The following NEBL variants were observed in gnomAD, a reference collection of about 807,000 sequenced individuals.
The protein encoded by NEBL is LIM and SH3 protein 2.
NEBL carries 122 observed loss-of-function variants against 140.2 expected under a neutral mutation model. That is an observed-to-expected ratio of 0.87 (90% CI 0.75 to 1.01). The LOEUF is 1.01. Among genes scored for constraint, NEBL ranks in the 50% least tolerant of loss-of-function variants. The pLI, the probability that NEBL is intolerant of heterozygous loss-of-function variation, is 0.00. For missense variants in NEBL, 1,365 were observed against 1,231.3 expected (o/e 1.11, Z -1.62); for synonymous variants, 436 against 398.9 (o/e 1.09, Z -1.11).
intron 2 of NEBL, among the ~76,000 whole-genome samples, chr10:21,133,374 G>A (rs182065910): frequency 6.6e-6 from 1 of 152,306 alleles, no homozygotes; most frequent in Admixed American, 6.5e-5. Flanking sequence ...GCTCCTTACT[G>A]TGGGTGAAAT....
At chr10:20,955,051 AT>A (rs748315522) in intron 4 of NEBL, among the ~76,000 whole-genome samples, 64 of 152,326 alleles carry the variant, frequency 4.2e-4, no homozygotes, top group Non-Finnish European at 8.8e-4. Context: ...TCAGATGTGC[AT>A]TTTAGGAAAA....
At chr10:21,260,156 A>C (rs1250882765) in intron 1 of NEBL, among the ~76,000 whole-genome samples, 2 of 152,224 alleles carry the variant, frequency 1.3e-5, no homozygotes. Flanking sequence ...AGCATTCCTT[A>C]ATGACTGAGT....
chr10:21,186,428 T>C (rs1028936126), intron 3 of NEBL, among the ~76,000 whole-genome samples: 2 of 152,066 alleles, frequency 1.3e-5, no homozygotes, highest in African/African-American at 2.4e-5. Context: ...GCCTTTGGTA[T>C]CCACGAAGGA....
chr10:20,856,685 G>A (rs1241653018), intron 9 of NEBL, among the ~76,000 whole-genome samples: 1 of 152,090 alleles, frequency 6.6e-6, no homozygotes, highest in Non-Finnish European at 1.5e-5. Flanking sequence ...TGATGTAAGT[G>A]TCCTGGAACT....
intron 3 of NEBL, among the ~76,000 whole-genome samples, chr10:21,206,482 G>A (rs1329205075): frequency 6.6e-6 from 1 of 152,144 alleles, no homozygotes; most frequent in African/African-American, 2.4e-5. Flanking sequence ...GCCCCCAGGG[G>A]CTGAGATCTA....
intron 25 of NEBL, 40 bp from the exon 26 acceptor site, chr10:20,808,699 A>G (rs1309325468): frequency 1.9e-6 from 3 of 1,583,784 alleles, no homozygotes; most frequent in Non-Finnish European, 1.7e-6. Context: ...TGATTAAGTG[A>G]CTCGAAAAAC....
At chr10:21,069,953 C>A (rs1408858485) in intron 2 of NEBL, 1 of 455,970 alleles carries the variant, frequency 2.2e-6, no homozygotes, top group African/African-American at 2.0e-5. Context: ...CATGTACTTA[C>A]AGCGGCTTAG....
chr10:21,021,347 C>T (rs1331826342), intron 2 of NEBL, among the ~76,000 whole-genome samples: 1 of 152,128 alleles, frequency 6.6e-6, no homozygotes, highest in African/African-American at 2.4e-5. Context: ...CACGTCACTC[C>T]CCTGAGTAAA....
At position 20,783,500 on chromosome 10, in the gene NEBL, C is replaced by A. The variant is rs1290307349; in HGVS notation, c.*2247G>T. On this transcript the variant is annotated 3_prime_UTR_variant, in exon 28 of 28. Transcript: ENST00000377122. ...GTATTGACTTTTATGCTCAGTGAAT[C>A]TGGTTTTGAAATCGGTGGATGAAAT... 6.6e-6 allele frequency: 1 copy of A among 152,164 alleles called. No homozygotes were observed. Among genetic ancestry groups the A allele is most frequent in the African/African-American group, 2.4e-5 (1 of 41,446 alleles). The allele number at this position is 152,164 out of a possible 1,614,324, so 9.4% of individuals were successfully genotyped here. A position where few individuals can be genotyped will look rare whatever the true frequency, so the allele number is the denominator to read the frequency against.
chr10:21,144,295 C>A (rs1258187586), intron 2 of NEBL, among the ~76,000 whole-genome samples: 1 of 152,238 alleles, frequency 6.6e-6, no homozygotes, highest in African/African-American at 2.4e-5. Context: ...CTAGAAGAAA[C>A]CTGTGCTGGG....
chr10:20,861,975 C>A (rs1296863063), intron 7 of NEBL, among the ~76,000 whole-genome samples: 1 of 152,170 alleles, frequency 6.6e-6, no homozygotes, highest in Non-Finnish European at 1.5e-5. Context: ...GAACAACTCC[C>A]TTAGCCTATA....
chr10:20,979,251 C>A (rs1836934246), intron 3 of NEBL, among the ~76,000 whole-genome samples: 1 of 151,292 alleles, frequency 6.6e-6, no homozygotes, highest in Non-Finnish European at 1.5e-5. Context: ...GACCTTGTCT[C>A]TACAATAATA....
intron 2 of NEBL, chr10:21,113,455 G>A: frequency 2.5e-6 from 1 of 399,802 alleles, no homozygotes; most frequent in Non-Finnish European, 4.7e-6. Flanking sequence ...CTGGATGACT[G>A]ACCAGGAGGC....
At chr10:20,797,772 T>C (rs1392563595) in intron 26 of NEBL, among the ~76,000 whole-genome samples, 1 of 152,006 alleles carries the variant, frequency 6.6e-6, no homozygotes, top group Admixed American at 6.6e-5. Context: ...TTAACACACA[T>C]GGGTCAGGTA....
chr10:21,086,704 G>A (rs1836648317), intron 2 of NEBL, among the ~76,000 whole-genome samples: 1 of 152,192 alleles, frequency 6.6e-6, no homozygotes, highest in South Asian at 2.1e-4. Context: ...TTAAGCCAGG[G>A]AGGTGGAGGT....
chr10:20,974,474 G>C (rs1176084941), intron 3 of NEBL, among the ~76,000 whole-genome samples: 1 of 151,978 alleles, frequency 6.6e-6, no homozygotes, highest in Non-Finnish European at 1.5e-5. Context: ...TCGAACTCCT[G>C]AGGTGGGCAA....
intron 2 of NEBL, among the ~76,000 whole-genome samples, chr10:21,091,214 CTT>C (rs571681087): frequency 5.4e-4 from 83 of 152,300 alleles, no homozygotes; most frequent in African/African-American, 1.9e-3. Context: ...GCTAAGAAGA[CTT>C]TAAATGTCTA....
chr10:21,030,273 G>A (rs1179720368), intron 2 of NEBL: 12 of 624,700 alleles, frequency 1.9e-5, no homozygotes, highest in Admixed American at 1.8e-4. Flanking sequence ...CCAAGCTGGC[G>A]AAGTGAAGAA....
At chr10:21,135,136 C>T (rs768381353) in intron 2 of NEBL, among the ~76,000 whole-genome samples, 2 of 152,186 alleles carry the variant, frequency 1.3e-5, no homozygotes, top group Non-Finnish European at 2.9e-5. Context: ...CTATTTCATC[C>T]CAGAGCTCAA....
Sources: gnomAD v4.1 joint callset for allele counts (sites outside exome capture counted in the v4.1 genomes callset) on GRCh38, gnomAD v4.1.1 for gene constraint, MANE v1.5 for transcripts, NCBI Gene and HGNC (gene_info 2026-07-23, HGNC 2026-07-21) for gene names.